Variants in MORC1 observed in about 807,000 individuals in gnomAD.
MORC1 encodes MORC family CW-type zinc finger 1, also known as MORC family CW-type zinc finger protein 1.
In MORC1, 59 loss-of-function variants were observed where a neutral mutation model predicts 134.9. That is an observed-to-expected ratio of 0.44 (90% CI 0.35 to 0.54). The LOEUF (loss-of-function observed/expected upper bound fraction) is 0.54, where lower values mean the gene tolerates loss of function less well. Among genes scored for constraint, MORC1 ranks in the 20% least tolerant of loss-of-function variants. The pLI is 0.00. For synonymous variants in MORC1, 395 were observed against 391.7 expected, an observed-to-expected ratio of 1.01 and a Z score of -0.10; for missense variants, 947 against 1,134.5, an observed-to-expected ratio of 0.83 and a Z score of 2.37.
At chr3:109,103,957 T>G in intron 3 of MORC1, 40 bp from the exon 4 acceptor site, 1 of 1,544,038 alleles carries the variant, frequency 6.5e-7, no homozygotes, top group Non-Finnish European at 9.0e-7. Context: ...ATATCGGGCT[T>G]AATTTGTTAG....
At chr3:108,999,812 A>G (rs1433856742) in intron 21 of MORC1, among the ~76,000 whole-genome samples, 1 of 152,240 alleles carries the variant, frequency 6.6e-6, no homozygotes, top group Non-Finnish European at 1.5e-5. Flanking sequence ...TATTCAGATA[A>G]AAGAAAATAC....
rs116857959 is a variant in MORC1, at chr3:109,097,584, T to C, written c.423+1774A>G. Among the ~76,000 whole-genome samples the C allele has an allele frequency of 1.5e-3, 224 of 152,074 alleles. 6 individuals carry two copies. The East Asian group carries it at 0.037, about 25-fold the overall frequency. ...ACAGGATGGCAGCTGAACACCACCATGGAAGCAGGAGTGTGAGCTGCAGCA... is the reference window on the plus strand; with the variant it reads ...ACAGGATGGCAGCTGAACACCACCACGGAAGCAGGAGTGTGAGCTGCAGCA... On this transcript the variant is annotated intron_variant, in intron 6 of 27. Coordinates refer to ENST00000232603, the MANE Select transcript of MORC1 (RefSeq NM_014429.4).
chr3:109,084,576 C>T (rs924903294), intron 8 of MORC1, among the ~76,000 whole-genome samples: 2 of 151,840 alleles, frequency 1.3e-5, no homozygotes, highest in Non-Finnish European at 2.9e-5. Flanking sequence ...TATTAAATAC[C>T]ACCCAAAGCA....
At chr3:109,076,974 TA>T (rs10674222) in intron 8 of MORC1, among the ~76,000 whole-genome samples, 40 of 142,486 alleles carry the variant, frequency 2.8e-4, no homozygotes, top group African/African-American at 8.6e-4. Flanking sequence ...CTTAAAGTAT[TA>T]AAAAAAAAAA....
At chr3:109,076,527 C>T (rs150184783) in intron 8 of MORC1, among the ~76,000 whole-genome samples, 1,735 of 152,222 alleles carry the variant, frequency 0.011, 22 homozygotes, top group African/African-American at 0.04. Flanking sequence ...CACGTGCACA[C>T]GTATGTTTAT....
At chr3:109,073,179 A>G (rs530318761) in intron 8 of MORC1, among the ~76,000 whole-genome samples, 1 of 152,126 alleles carries the variant, frequency 6.6e-6, no homozygotes, top group Admixed American at 6.5e-5. Flanking sequence ...GCTTCTCCCA[A>G]TCTGTCCACA....
chr3:108,981,861 C>T (rs1947734180), intron 23 of MORC1, among the ~76,000 whole-genome samples: 1 of 152,148 alleles, frequency 6.6e-6, no homozygotes, highest in African/African-American at 2.4e-5. Context: ...GACTTCATGA[C>T]TAAAACACCA....
chr3:109,094,427 G>T (rs550080889), intron 7 of MORC1, among the ~76,000 whole-genome samples: 4 of 152,260 alleles, frequency 2.6e-5, no homozygotes, highest in South Asian at 2.1e-4. Flanking sequence ...TCGACGTGTT[G>T]AACAGAAAGT....
intron 3 of MORC1, among the ~76,000 whole-genome samples, chr3:109,104,280 C>T (rs925838737): frequency 1.2e-4 from 18 of 152,258 alleles, no homozygotes; most frequent in African/African-American, 3.9e-4. Context: ...TTTGCTCAAA[C>T]TGACCAACCT....
At chr3:109,038,888 T>C (rs886720828) in intron 14 of MORC1, among the ~76,000 whole-genome samples, 2 of 152,144 alleles carry the variant, frequency 1.3e-5, no homozygotes, top group African/African-American at 4.8e-5. Flanking sequence ...TCCAGCTTTG[T>C]TCTTTTTGCT....
intron 2 of MORC1, among the ~76,000 whole-genome samples, chr3:109,111,991 G>A (rs546724397): frequency 1.4e-4 from 21 of 152,166 alleles, no homozygotes; most frequent in African/African-American, 3.6e-4. Flanking sequence ...ATTCTCTTCC[G>A]ATCCTTACCA....
intron 24 of MORC1, among the ~76,000 whole-genome samples, chr3:108,976,834 T>C (rs1947577502): frequency 1.3e-5 from 2 of 152,178 alleles, no homozygotes; most frequent in South Asian, 4.1e-4. Flanking sequence ...ATTTTAATTT[T>C]CTAGTGATGC....
At position 109,059,850 on chromosome 3, in the gene MORC1, C is replaced by T; in HGVS notation, c.987G>A (p.Leu329=). 1 of 1,612,494 alleles carries T rather than the reference C, an allele frequency of 6.2e-7. No individual in the cohort carries two copies. Among genetic ancestry groups the T allele is most frequent in the South Asian group, 1.1e-5 (1 of 90,802 alleles). ...TCTTTTGCTTTGCTTCTACATCTTC[C>T]AAAGCTCTCTGTAATACATCCTGGA... is the stretch of plus-strand genomic sequence containing the variant. The part of the protein sequence containing the change: ...SSAKDVLQRA[L]EDVEAKQKNL... Residue 329 remains leucine (L), a synonymous_variant, in exon 12 of 28, where the codon TTG becomes TTA. Coordinates refer to ENST00000232603, the MANE Select transcript of MORC1 (RefSeq NM_014429.4).
At chr3:109,035,504 AAAAATCATT>A (rs760350498) in intron 14 of MORC1, 36 bp from the exon 15 acceptor site, 1 of 1,315,318 alleles carries the variant, frequency 7.6e-7, no homozygotes, top group African/African-American at 1.5e-5. Flanking sequence ...AATAACAAAA[AAAAATCATT>A]AAAATCAAAA....
In MORC1 at chr3:109,094,912, A is replaced by G; in HGVS notation, c.580T>C (p.Cys194Arg). 1 of 1,555,824 alleles carries G rather than the reference A, an allele frequency of 6.4e-7. No individual in the cohort carries two copies. Among genetic ancestry groups the G allele is most frequent in the Non-Finnish European group, 8.6e-7 (1 of 1,160,684 alleles). Residue 194 changes from cysteine to arginine, a missense_variant, in exon 7 of 28, where the codon TGT becomes CGT. Physicochemically the swap from Cys to Arg is radical, Grantham distance 180. This residue lies in a region of MORC1 where 214 missense variants were observed against 281.3 expected (regional missense o/e 0.76). Coordinates refer to ENST00000232603, the MANE Select transcript of MORC1 (RefSeq NM_014429.4). ...GTCAGAGTTTTGATGATCTTACCAC[A>G]TTTTCCATAGATCACATCAAACTGC... Reference protein sequence around the residue: ...MQQFDVIYGKCGTLLVIYNLK... With the variant: ...MQQFDVIYGKRGTLLVIYNLK...
intron 3 of MORC1, among the ~76,000 whole-genome samples, chr3:109,108,669 G>A (rs1001183197): frequency 1.7e-4 from 26 of 152,072 alleles, no homozygotes; most frequent in East Asian, 1.9e-4. Flanking sequence ...AGGCCGAGGC[G>A]GGCGGATCAC....
intron 22 of MORC1, among the ~76,000 whole-genome samples, chr3:108,985,417 T>C (rs16855119): frequency 0.033 from 5,044 of 152,284 alleles, 267 homozygotes; most frequent in African/African-American, 0.11. Context: ...AAGTCTTTAT[T>C]ACAACTGTCC....
rs1256553947 is a variant in MORC1, at chr3:109,100,519, A to G, written c.224-12T>C. ...GTCTGAAGCTTCCTCTGTAATTGAC[A>G]GTGACTTTTAAGGTGGTTAGGAAGA... On this transcript the variant is annotated splice_polypyrimidine_tract_variant and intron_variant, in intron 4 of 27. Coordinates refer to ENST00000232603, the MANE Select transcript of MORC1 (RefSeq NM_014429.4). The G allele has an allele frequency of 6.2e-7, 1 of 1,601,786 alleles. No homozygotes were observed. Among genetic ancestry groups the G allele is most frequent in the South Asian group, 1.1e-5 (1 of 90,786 alleles).
chr3:109,050,940 C>T (rs1340346876), intron 14 of MORC1, among the ~76,000 whole-genome samples: 2 of 152,122 alleles, frequency 1.3e-5, no homozygotes, highest in East Asian at 3.9e-4. Context: ...AATTCTGATC[C>T]ATTTTGGAAA....
Sources: allele counts gnomAD v4.1 joint callset (sites outside exome capture counted in the v4.1 genomes callset), GRCh38; gene constraint gnomAD v4.1.1; regional missense constraint gnomAD v4.1.1; transcripts MANE v1.5; gene names NCBI Gene and HGNC (gene_info 2026-07-23, HGNC 2026-07-21).